SNX27: variants seen among roughly 807,000 people sequenced by gnomAD.
The protein encoded by SNX27 is sorting nexin-27.
SNX27 carries 22 observed loss-of-function variants against 71.6 expected under a neutral mutation model. The observed-to-expected ratio is 0.31, with a 90% CI of 0.22 to 0.44. The LOEUF is 0.44. SNX27 is among the 20% of genes least tolerant of loss of function. The pLI, the probability that SNX27 is intolerant of heterozygous loss-of-function variation, is 1.00. For synonymous variants in SNX27, 269 were observed against 277.2 expected, an observed-to-expected ratio of 0.97 and a Z score of 0.29; for missense variants, 531 against 698.6, an observed-to-expected ratio of 0.76 and a Z score of 2.70.
Position 151,628,245 on chromosome 1 carries a change from G to C in SNX27, c.312-10643G>C, listed in dbSNP as rs138597504. Among the ~76,000 whole-genome samples the C allele has an allele frequency of 9.9e-5, 15 of 152,180 alleles. 1 individual carries two copies. In the East Asian group the frequency reaches 2.9e-3, roughly 29 times the overall value. On this transcript the variant is annotated intron_variant, in intron 1 of 11. Transcript: ENST00000458013. The stretch of plus-strand genomic sequence containing the variant: ...TGGTGTCAAACTCCTGACCTCAGGT[G>C]AAACGCCCATCTTCGCCTACCTAAG...
At chr1:151,665,653 A>G (rs1045052520) in intron 5 of SNX27, among the ~76,000 whole-genome samples, 1 of 152,206 alleles carries the variant, frequency 6.6e-6, no homozygotes, top group African/African-American at 2.4e-5. Flanking sequence ...AGGAGAGACT[A>G]TTATCAGCTT....
chr1:151,630,733 G>T (rs746495475), intron 1 of SNX27, among the ~76,000 whole-genome samples: 31 of 152,082 alleles, frequency 2.0e-4, no homozygotes, highest in Admixed American at 1.2e-3. Flanking sequence ...TATATAATTA[G>T]TCAGTAAGAA....
chr1:151,614,651 A>G (rs1050055101), intron 1 of SNX27, among the ~76,000 whole-genome samples: 2 of 152,200 alleles, frequency 1.3e-5, no homozygotes, highest in African/African-American at 2.4e-5. Context: ...TTCTTTCTAG[A>G]TAACTCAAAA....
chr1:151,618,515 G>A (rs1667531137), intron 1 of SNX27, among the ~76,000 whole-genome samples: 1 of 152,202 alleles, frequency 6.6e-6, no homozygotes, highest in East Asian at 1.9e-4. Flanking sequence ...ATAACAATTT[G>A]TCTGGGTCTT....
At position 151,692,545 on chromosome 1, in the gene SNX27, C is replaced by G. The variant is rs2102742993; in HGVS notation, c.1350C>G (p.His450Gln). 2 of 1,612,356 alleles carry G rather than the reference C, an allele frequency of 1.2e-6. No individual in the cohort carries two copies. Among genetic ancestry groups the G allele is most frequent in the South Asian group, 2.2e-5 (2 of 91,014 alleles). Residue 450 changes from histidine to glutamine, a missense_variant, in exon 9 of 12, where the codon CAC becomes CAG. Coordinates refer to ENST00000458013, the MANE Select transcript of SNX27 (RefSeq NM_001330723.2). ...GHVITAISIT[H>Q]FKLHACTEEG... is the part of the protein sequence containing the mutation. The stretch of plus-strand genomic sequence containing the variant: ...TTATCACAGCCATCAGCATCACGCA[C>G]TTTAAACTGCATGCCTGCACTGAAG...
intron 2 of SNX27, among the ~76,000 whole-genome samples, chr1:151,656,561 C>T (rs77326332): frequency 0.018 from 2,677 of 152,256 alleles, 35 homozygotes; most frequent in Non-Finnish European, 0.029. Context: ...GCTTACATTT[C>T]GGCATTATCT....
At chr1:151,688,294 T>A (rs1671278853) in intron 8 of SNX27, among the ~76,000 whole-genome samples, 6 of 152,098 alleles carry the variant, frequency 3.9e-5, no homozygotes. Flanking sequence ...TTTGGTGTTT[T>A]AAATACCAAA....
intron 7 of SNX27, among the ~76,000 whole-genome samples, chr1:151,683,036 A>G (rs1671037526): frequency 6.6e-6 from 1 of 152,094 alleles, no homozygotes; most frequent in South Asian, 2.1e-4. Context: ...CTCTGTCTCA[A>G]AACAAACAAA....
At chr1:151,683,588 A>G (rs1571868833) in intron 8 of SNX27, 143 bp downstream of exon 8, 1 of 567,554 alleles carries the variant, frequency 1.8e-6, no homozygotes, top group East Asian at 3.1e-5. Flanking sequence ...ACCTTGATGC[A>G]AAGTCCATTG....
intron 1 of SNX27, among the ~76,000 whole-genome samples, chr1:151,629,001 AT>A (rs1668073256): frequency 6.6e-6 from 1 of 151,934 alleles, no homozygotes; most frequent in South Asian, 2.1e-4. Context: ...CAACTTAGCA[AT>A]TTTTTTCCTT....
At chr1:151,615,793 C>T (rs574577993) in intron 1 of SNX27, 3 of 984,768 alleles carry the variant, frequency 3.0e-6, no homozygotes, top group African/African-American at 1.7e-5. Context: ...GTTGTTTGGA[C>T]AACTGACAGT....
chr1:151,626,472 A>G (rs1667947798), intron 1 of SNX27, among the ~76,000 whole-genome samples: 1 of 152,138 alleles, frequency 6.6e-6, no homozygotes, highest in South Asian at 2.1e-4. Context: ...GGAAGAGAAT[A>G]CTGTTTTATC....
chr1:151,620,877 A>G (rs1433069280), intron 1 of SNX27, among the ~76,000 whole-genome samples: 1 of 152,028 alleles, frequency 6.6e-6, no homozygotes, highest in Non-Finnish European at 1.5e-5. Context: ...TTTTTAGTAG[A>G]GACCGGGTTT....
intron 8 of SNX27, among the ~76,000 whole-genome samples, chr1:151,686,511 G>C (rs974250602): frequency 1.3e-5 from 2 of 152,228 alleles, no homozygotes; most frequent in Non-Finnish European, 2.9e-5. Flanking sequence ...TGTGGAATTA[G>C]ATTGTCTTGA....
rs1671645919 is a variant in SNX27 at position 151,695,181 on chromosome 1, A to G, written c.*764A>G. ...GTGTTTCTCAAGGTTAACAGGCTGTAGTTCTGCAGGGAGAGCCTGAAGTCC... is the reference window on the plus strand; with the variant it reads ...GTGTTTCTCAAGGTTAACAGGCTGTGGTTCTGCAGGGAGAGCCTGAAGTCC... On this transcript the variant is annotated 3_prime_UTR_variant, in exon 12 of 12. Coordinates refer to ENST00000458013, the MANE Select transcript of SNX27 (RefSeq NM_001330723.2). The G allele has an allele frequency of 6.6e-6, 1 of 152,554 alleles. No individual in the cohort carries two copies. The highest frequency in any genetic ancestry group is 2.4e-5 in the African/African-American group (1 of 41,428). The allele number at this position is 152,554 out of a possible 1,614,324, so 9.5% of individuals were successfully genotyped here. A position where few individuals can be genotyped will look rare whatever the true frequency, so the allele number is the denominator to read the frequency against.
intron 1 of SNX27, among the ~76,000 whole-genome samples, chr1:151,621,301 G>A (rs1221054799): frequency 6.6e-6 from 1 of 152,140 alleles, no homozygotes; most frequent in Non-Finnish European, 1.5e-5. Context: ...AACTAAATAA[G>A]GTTCTCATAA....
At position 151,695,071 on chromosome 1, in the gene SNX27, C is replaced by G. The variant is rs1323706701; in HGVS notation, c.*654C>G. 2 of 152,540 alleles carry G rather than the reference C, an allele frequency of 1.3e-5. No individual in the cohort carries two copies. The highest frequency in any genetic ancestry group is 3.9e-4 in the East Asian group (2 of 5,188). The allele number at this position is 152,540 out of a possible 1,614,324, so 9.4% of individuals were successfully genotyped here. ...CCTTTTTTTGTATTGAGTATAGATT[C>G]CGGCTCATGGGTTGCCATAGAGTCT... On this transcript the variant is annotated 3_prime_UTR_variant, in exon 12 of 12. Transcript: ENST00000458013.
At chr1:151,638,522 C>G (rs1668573762) in intron 1 of SNX27, among the ~76,000 whole-genome samples, 1 of 152,128 alleles carries the variant, frequency 6.6e-6, no homozygotes, top group Non-Finnish European at 1.5e-5. Flanking sequence ...CTGTCAAAAG[C>G]CACTTTGATT....
At position 151,696,416 on chromosome 1, in the gene SNX27, GTC is replaced by G. The variant is rs1270280620; in HGVS notation, c.*2003_*2004del. The G allele has an allele frequency of 6.6e-6, 1 of 152,108 alleles. No homozygotes were observed. Among genetic ancestry groups the G allele is most frequent in the Admixed American group, 6.5e-5 (1 of 15,280 alleles). The allele number at this position is 152,108 out of a possible 1,614,324, so 9.4% of individuals were successfully genotyped here. A position where few individuals can be genotyped will look rare whatever the true frequency, so the allele number is the denominator to read the frequency against. On this transcript the variant is annotated 3_prime_UTR_variant, in exon 12 of 12. Transcript: ENST00000458013. ...TAAGCAGTGTTGGGGTGGTTGGAAA[GTC>G]TCTTTTTTGTAATTTGTTTTTGCAA...
Sources: gnomAD v4.1 joint callset for allele counts (sites outside exome capture counted in the v4.1 genomes callset) on GRCh38, gnomAD v4.1.1 for gene constraint, MANE v1.5 for transcripts, NCBI Gene and HGNC (gene_info 2026-07-23, HGNC 2026-07-21) for gene names.